CA6: variants seen among roughly 807,000 people sequenced by gnomAD.
CA6 encodes carbonate dehydratase VI.
In CA6, 28 loss-of-function variants were observed where a neutral mutation model predicts 35.9. The ratio of observed to expected loss-of-function variants is 0.78; its 90% confidence interval spans 0.58 to 1.07. CA6 has a LOEUF of 1.07. Among genes scored for constraint, CA6 ranks in the 50% least tolerant of loss-of-function variants. CA6 has a pLI of 0.00. For synonymous variants in CA6, 148 were observed against 152.6 expected, an observed-to-expected ratio of 0.97 and a Z score of 0.22; for missense variants, 377 against 382.0, an observed-to-expected ratio of 0.99 and a Z score of 0.11.
At chr1:8,974,115 G>A (rs1161033264) in intron 7 of CA6, among the ~76,000 whole-genome samples, 2 of 151,976 alleles carry the variant, frequency 1.3e-5, no homozygotes, top group African/African-American at 2.4e-5. Flanking sequence ...ATGAGCCATC[G>A]CGCCTGGCCA....
chr1:8,972,175 G>T (rs111599160), intron 7 of CA6, among the ~76,000 whole-genome samples: 3 of 151,662 alleles, frequency 2.0e-5, no homozygotes, highest in Non-Finnish European at 4.4e-5. Flanking sequence ...AGCCTCCCCA[G>T]TAGCGGAGAC....
At chr1:8,968,444 C>T (rs928855180) in intron 6 of CA6, among the ~76,000 whole-genome samples, 1 of 150,962 alleles carries the variant, frequency 6.6e-6, no homozygotes, top group Admixed American at 6.6e-5. Flanking sequence ...GAAGAATTTT[C>T]ACAAATAAAG....
At chr1:8,957,390 G>A (rs574036149) in intron 3 of CA6, 105 bp downstream of exon 3, 2 of 1,102,928 alleles carry the variant, frequency 1.8e-6, no homozygotes, top group East Asian at 5.2e-5. Flanking sequence ...GCCCCGGCTG[G>A]AGTGCAGTGG....
chr1:8,951,420 C>T (rs750690833), intron 2 of CA6: 5 of 760,672 alleles, frequency 6.6e-6, no homozygotes, highest in Non-Finnish European at 9.6e-6. Flanking sequence ...CTGATGCTTC[C>T]AGATTGGCAG....
chr1:8,972,690 C>T (rs1354631256), intron 7 of CA6, among the ~76,000 whole-genome samples: 1 of 151,820 alleles, frequency 6.6e-6, no homozygotes, highest in Non-Finnish European at 1.5e-5. Context: ...TTCAAAAAAC[C>T]AAAACAAACA....
intron 4 of CA6, among the ~76,000 whole-genome samples, chr1:8,961,825 T>C (rs1167298673): frequency 6.6e-6 from 1 of 152,132 alleles, no homozygotes; most frequent in Non-Finnish European, 1.5e-5. Flanking sequence ...GTTGGGGGAA[T>C]TGTAGTCGTT....
chr1:8,960,022 A>G (rs1434345468), intron 4 of CA6, among the ~76,000 whole-genome samples: 4 of 151,628 alleles, frequency 2.6e-5, no homozygotes, highest in Admixed American at 6.6e-5. Flanking sequence ...ACCTGAGGTC[A>G]GGAATTCAAG....
chr1:8,957,160 A>G lies in CA6; in HGVS notation c.283A>G (p.Met95Val), dbSNP rs1165545375. 1 of 1,612,746 alleles carries G rather than the reference A, an allele frequency of 6.2e-7. No homozygotes were observed. The highest frequency in any genetic ancestry group is 8.5e-7 in the Non-Finnish European group (1 of 1,179,166). The change falls in exon 3 of 8, where the codon ATG becomes GTG. Residue 95 changes from methionine to valine, a missense_variant. Transcript: ENST00000377443. ...HTVQISLPST[M>V]RMTVADGTVY... ...AGTGCAGATCAGCCTGCCCTCCACC[A>G]TGCGCATGACAGTGGCTGACGGCAC...
chr1:8,951,605 G>A, intron 2 of CA6: 3 of 765,214 alleles, frequency 3.9e-6, no homozygotes, highest in Non-Finnish European at 7.2e-6. Flanking sequence ...GGGCCCAGAA[G>A]AGGGAAGGCA....
At chr1:8,962,491 C>A (rs758568763) in intron 4 of CA6, 96 bp from the exon 5 acceptor site, 1 of 1,016,254 alleles carries the variant, frequency 9.8e-7, no homozygotes, top group Admixed American at 1.7e-5. Context: ...TCTCTAGGCT[C>A]GGCCCAATCC....
rs938977721 is a variant in CA6, at chr1:8,973,711, T to TC, written c.845-910dup. On this transcript the variant is annotated intron_variant, in intron 7 of 7. Coordinates refer to ENST00000377443, the MANE Select transcript of CA6 (RefSeq NM_001215.4). ...TCAGGCCTGGATTTTTCTTTCTCTC[T>TC]CTTTCTTTCTTTCTTTCTTTCTTTC... Among the ~76,000 whole-genome samples, 5 of 5,662 alleles carry TC rather than the reference T, an allele frequency of 8.8e-4. No homozygotes were observed. In the East Asian group the frequency reaches 0.044, roughly 50 times the overall value. The allele number at this position is 5,662 out of a possible 152,430, so 3.7% of individuals were successfully genotyped here. A position where few individuals can be genotyped will look rare whatever the true frequency, so the allele number is the denominator to read the frequency against.
rs376657373 is a variant in CA6 at position 8,949,246 on chromosome 1, T to C, written c.80-17T>C. The C allele has an allele frequency of 1.0e-5, 16 of 1,576,210 alleles. No homozygotes were observed. The highest frequency in any genetic ancestry group is 1.4e-5 in the African/African-American group (1 of 72,776). On this transcript the variant is annotated splice_polypyrimidine_tract_variant and intron_variant, in intron 1 of 7. Coordinates refer to ENST00000377443, the MANE Select transcript of CA6 (RefSeq NM_001215.4). Reference sequence around the variant, plus strand: ...CGCAGCCAGGCAGCCCCTTGAACTGTGTCTTTCCTGTCTTAGAAGGGGCAC... The same window carrying C: ...CGCAGCCAGGCAGCCCCTTGAACTGCGTCTTTCCTGTCTTAGAAGGGGCAC...
At position 8,974,609 on chromosome 1, in the gene CA6, C is replaced by G. The variant is rs1274667766; in HGVS notation, c.845-13C>G. ...AAGGTTTAACCATTTCCGACTAACT[C>G]TTCTTTTTACAGAATACACTCTAGG... On this transcript the variant is annotated splice_polypyrimidine_tract_variant and intron_variant, in intron 7 of 7. Coordinates refer to ENST00000377443, the MANE Select transcript of CA6 (RefSeq NM_001215.4). The G allele has an allele frequency of 5.7e-6, 9 of 1,587,244 alleles. No individual in the cohort carries two copies. Among genetic ancestry groups the G allele is most frequent in the Non-Finnish European group, 6.9e-6 (8 of 1,158,208 alleles).
intron 4 of CA6, among the ~76,000 whole-genome samples, 167 bp downstream of exon 4, chr1:8,959,169 G>A (rs1040580166): frequency 3.3e-5 from 5 of 152,068 alleles, no homozygotes; most frequent in Admixed American, 6.6e-5. Context: ...TGCTCCTTCC[G>A]TGCTGTCAAT....
chr1:8,971,868 T>C (rs1024993067), intron 7 of CA6, among the ~76,000 whole-genome samples: 1 of 152,236 alleles, frequency 6.6e-6, no homozygotes, highest in African/African-American at 2.4e-5. Flanking sequence ...ACCTCGTTTC[T>C]GTGTTGGCAA....
chr1:8,962,554 C>T (rs368776053), intron 4 of CA6, 33 bp from the exon 5 acceptor site: 1 of 1,574,656 alleles, frequency 6.4e-7, no homozygotes, highest in African/African-American at 1.3e-5. Context: ...GCCTCTTCTT[C>T]ACTTACGCTC....
intron 1 of CA6, among the ~76,000 whole-genome samples, chr1:8,947,155 G>T (rs1195689718): frequency 6.6e-6 from 1 of 152,060 alleles, no homozygotes; most frequent in Non-Finnish European, 1.5e-5. Context: ...TTCAACATGG[G>T]TTCTGGTCCA....
chr1:8,962,249 A>G (rs1044509832), intron 4 of CA6, among the ~76,000 whole-genome samples: 1 of 149,770 alleles, frequency 6.7e-6, no homozygotes, highest in Admixed American at 6.6e-5. Context: ...AAAAAAAAAA[A>G]AAACTCACAA....
intron 2 of CA6, chr1:8,951,552 G>T: frequency 1.3e-6 from 1 of 765,178 alleles, no homozygotes; most frequent in Non-Finnish European, 2.4e-6. Flanking sequence ...ATTGATGGAG[G>T]ATCTCTATGG....
Sources: allele counts gnomAD v4.1 joint callset (sites outside exome capture counted in the v4.1 genomes callset), GRCh38; gene constraint gnomAD v4.1.1; transcripts MANE v1.5; gene names NCBI Gene and HGNC (gene_info 2026-07-23, HGNC 2026-07-21).